The following CAMK1D variants were observed in gnomAD, a reference collection of about 807,000 sequenced individuals.
The protein encoded by CAMK1D is calcium/calmodulin dependent protein kinase ID.
A neutral mutation model predicts 47.7 loss-of-function variants in CAMK1D; 9 were observed. The observed-to-expected ratio is 0.19, with a 90% CI of 0.11 to 0.33. The LOEUF (loss-of-function observed/expected upper bound fraction) is 0.33. CAMK1D is among the 10% of genes least tolerant of loss of function. The pLI, the probability that CAMK1D is intolerant of heterozygous loss-of-function variation, is 1.00. For missense variants in CAMK1D, 291 were observed against 488.7 expected (o/e 0.60, Z 3.81); for synonymous variants, 184 against 184.9 (o/e 0.99, Z 0.04).
At chr10:12,818,723 A>G (rs1034509670) in intron 8 of CAMK1D, among the ~76,000 whole-genome samples, 3 of 151,638 alleles carry the variant, frequency 2.0e-5, no homozygotes, top group African/African-American at 7.3e-5. Context: ...ACAGCTAGCT[A>G]ATAGCAAAGC....
chr10:12,562,851 A>G (rs762799924), intron 2 of CAMK1D, among the ~76,000 whole-genome samples: 3 of 152,180 alleles, frequency 2.0e-5, no homozygotes, highest in African/African-American at 7.2e-5. Flanking sequence ...GGCAAGGATT[A>G]GGGGAACTCA....
At chr10:12,749,618 G>A (rs1244039169) in intron 3 of CAMK1D, among the ~76,000 whole-genome samples, 1 of 151,342 alleles carries the variant, frequency 6.6e-6, no homozygotes. Flanking sequence ...AAGTGCAGTG[G>A]CACAGTCTCT....
At chr10:12,630,543 A>G (rs899562395) in intron 2 of CAMK1D, among the ~76,000 whole-genome samples, 1 of 151,704 alleles carries the variant, frequency 6.6e-6, no homozygotes, top group Non-Finnish European at 1.5e-5. Flanking sequence ...CACCTAGCTA[A>G]TTTATTTTAT....
chr10:12,433,997 G>A (rs1478176293), intron 1 of CAMK1D, among the ~76,000 whole-genome samples: 1 of 152,142 alleles, frequency 6.6e-6, no homozygotes, highest in African/African-American at 2.4e-5. Flanking sequence ...TGGGGAAAGG[G>A]TCTTGCTCTA....
intron 1 of CAMK1D, among the ~76,000 whole-genome samples, chr10:12,408,981 G>T (rs1463217916): frequency 6.6e-6 from 1 of 151,336 alleles, no homozygotes; most frequent in Admixed American, 6.6e-5. Flanking sequence ...AGCCTCCCGA[G>T]TAGTAGTTGG....
chr10:12,700,997 G>A (rs1016992739), intron 3 of CAMK1D, among the ~76,000 whole-genome samples: 1 of 152,190 alleles, frequency 6.6e-6, no homozygotes, highest in Non-Finnish European at 1.5e-5. Context: ...AGTGCCTAAA[G>A]GAGTGAAATG....
At chr10:12,632,260 A>C (rs1468647203) in intron 2 of CAMK1D, among the ~76,000 whole-genome samples, 1 of 152,220 alleles carries the variant, frequency 6.6e-6, no homozygotes, top group Non-Finnish European at 1.5e-5. Flanking sequence ...ACTGTTTATG[A>C]GCAGAAACTG....
chr10:12,729,597 C>T (rs1834803222), intron 3 of CAMK1D, among the ~76,000 whole-genome samples: 1 of 152,000 alleles, frequency 6.6e-6, no homozygotes, highest in South Asian at 2.1e-4. Context: ...CCACTGCACT[C>T]CAGCCTGGGT....
At chr10:12,745,913 T>G (rs1298531139) in intron 3 of CAMK1D, among the ~76,000 whole-genome samples, 1 of 152,194 alleles carries the variant, frequency 6.6e-6, no homozygotes, top group Non-Finnish European at 1.5e-5. Context: ...TGACGAAATC[T>G]GACAACTTTC....
intron 5 of CAMK1D, among the ~76,000 whole-genome samples, chr10:12,780,363 T>A (rs186425897): frequency 1.2e-4 from 18 of 152,366 alleles, no homozygotes; most frequent in African/African-American, 4.1e-4. Context: ...TCTCAGTTTC[T>A]TGTATATAAA....
intron 6 of CAMK1D, among the ~76,000 whole-genome samples, chr10:12,803,078 G>A (rs1206201791): frequency 6.6e-6 from 1 of 152,182 alleles, no homozygotes; most frequent in African/African-American, 2.4e-5. Context: ...AATCTTTCAT[G>A]CATTTAATTC....
chr10:12,430,493 C>T (rs1441911159), intron 1 of CAMK1D, among the ~76,000 whole-genome samples: 2 of 152,172 alleles, frequency 1.3e-5, no homozygotes, highest in African/African-American at 2.4e-5. Context: ...TATCCCAAGT[C>T]ATTTGAATTA....
chr10:12,738,305 G>A (rs1260155452), intron 3 of CAMK1D, among the ~76,000 whole-genome samples: 2 of 152,180 alleles, frequency 1.3e-5, no homozygotes, highest in East Asian at 1.9e-4. Flanking sequence ...GATGCAAAGA[G>A]TCACATAGAT....
At chr10:12,401,092 A>G (rs1839172532) in intron 1 of CAMK1D, among the ~76,000 whole-genome samples, 1 of 84,132 alleles carries the variant, frequency 1.2e-5, no homozygotes, top group African/African-American at 5.3e-5. Context: ...TGTATTATAT[A>G]TATTATATAT....
chr10:12,804,914 G>C (rs1382916425), intron 6 of CAMK1D, among the ~76,000 whole-genome samples: 4 of 107,864 alleles, frequency 3.7e-5, no homozygotes, highest in Non-Finnish European at 6.9e-5. Flanking sequence ...CTCCAACCTG[G>C]ATGATAAAGC....
intron 1 of CAMK1D, among the ~76,000 whole-genome samples, chr10:12,449,084 A>G (rs114009922): frequency 2.1e-3 from 326 of 152,312 alleles, no homozygotes; most frequent in African/African-American, 7.4e-3. Context: ...TTACTATGTT[A>G]TGAAAGATTC....
At chr10:12,651,682 G>T (rs143275251) in intron 2 of CAMK1D, among the ~76,000 whole-genome samples, 1 of 152,188 alleles carries the variant, frequency 6.6e-6, no homozygotes, top group East Asian at 1.9e-4. Flanking sequence ...GATTACAGGC[G>T]TGAGCCATAC....
chr10:12,740,599 A>C (rs1835385024), intron 3 of CAMK1D, among the ~76,000 whole-genome samples: 1 of 151,948 alleles, frequency 6.6e-6, no homozygotes, highest in Non-Finnish European at 1.5e-5. Flanking sequence ...CTCCATCTCA[A>C]AAGAAAAAAA....
chr10:12,750,306 A>ATCAC (rs1004603560), intron 3 of CAMK1D, among the ~76,000 whole-genome samples: 4 of 152,200 alleles, frequency 2.6e-5, no homozygotes, highest in Non-Finnish European at 5.9e-5. Flanking sequence ...TGCTGTGCAT[A>ATCAC]TCACTCACTC....
Sources: allele counts gnomAD v4.1 joint callset (sites outside exome capture counted in the v4.1 genomes callset), GRCh38; gene constraint gnomAD v4.1.1; transcripts MANE v1.5; gene names NCBI Gene and HGNC (gene_info 2026-07-23, HGNC 2026-07-21).